CSMD1: variants seen among roughly 807,000 people sequenced by gnomAD.
The protein encoded by CSMD1 is CUB and Sushi multiple domains 1, also known as CUB and sushi domain-containing protein 1.
In CSMD1, 213 loss-of-function variants were observed where a neutral mutation model predicts 417.5. That is an observed-to-expected ratio of 0.51 (90% CI 0.46 to 0.57). The LOEUF (loss-of-function observed/expected upper bound fraction) is 0.57. Ranked by LOEUF, CSMD1 falls within the 20% of genes least tolerant of loss-of-function variation. The probability of loss-of-function intolerance (pLI) is 0.00; values close to 1 mark genes in which losing one functional copy is unlikely to be tolerated. For missense variants in CSMD1, 6,923 were observed against 4,529.7 expected, an observed-to-expected ratio of 1.53 and a Z score of -15.17; for synonymous variants, 2,862 against 1,736.8, an observed-to-expected ratio of 1.65 and a Z score of -16.11.
chr8:3,399,656 A>G (rs1811919751), intron 15 of CSMD1, 127 bp from the exon 16 acceptor site: 1 of 663,064 alleles, frequency 1.5e-6, no homozygotes, highest in African/African-American at 1.9e-5. Flanking sequence ...ATCAAAGCAA[A>G]TCTTATTCCC....
chr8:4,056,009 G>A (rs1293684490), intron 3 of CSMD1, among the ~76,000 whole-genome samples: 1 of 150,826 alleles, frequency 6.6e-6, no homozygotes, highest in Non-Finnish European at 1.5e-5. Context: ...GAAAATTGTA[G>A]TCTACACAGA....
At chr8:3,872,453 C>T (rs73493817) in intron 5 of CSMD1, among the ~76,000 whole-genome samples, 1 of 152,126 alleles carries the variant, frequency 6.6e-6, no homozygotes. Context: ...GCCCACTGTG[C>T]AAATGAAAAA....
At chr8:4,174,712 A>AGAGGAGGAGGGATGT (rs1797943845) in intron 3 of CSMD1, among the ~76,000 whole-genome samples, 1 of 14,960 alleles carries the variant, frequency 6.7e-5, no homozygotes, top group Non-Finnish European at 1.4e-4. Context: ...CACTGAAGAG[A>AGAGGAGGAGGGATGT]GAGGAAGAGG....
chr8:4,517,433 GTC>G (rs1158472405), intron 2 of CSMD1, among the ~76,000 whole-genome samples: 1 of 152,148 alleles, frequency 6.6e-6, no homozygotes, highest in Non-Finnish European at 1.5e-5. Flanking sequence ...ATAAAGAAGA[GTC>G]TGTATTTCAC....
intron 4 of CSMD1, among the ~76,000 whole-genome samples, chr8:4,030,758 C>T (rs112725770): frequency 0.01 from 1,585 of 152,268 alleles, 31 homozygotes; most frequent in African/African-American, 0.036. Flanking sequence ...CATTGTCAGA[C>T]TGCAAAGTTC....
At chr8:3,308,732 G>GTGTTTTTTTTTTTTTTTTTTT (rs1805090018) in intron 23 of CSMD1, among the ~76,000 whole-genome samples, 1 of 108,930 alleles carries the variant, frequency 9.2e-6, no homozygotes, top group African/African-American at 3.6e-5. Flanking sequence ...CTACTTACAA[G>GTGTTTTTTTTTTTTTTTTTTT]TTTTTTTTTT....
At position 3,825,385 on chromosome 8, in the gene CSMD1, C is replaced by T. The variant is rs193186147; in HGVS notation, c.819-71343G>A. ...TCTGTAGTAAAAATACAAAATTAGC[C>T]AGGGGTGGTGGTAGGCACCTGTAAT... On this transcript the variant is annotated intron_variant, in intron 5 of 69. Coordinates refer to ENST00000635120, the MANE Select transcript of CSMD1 (RefSeq NM_033225.6). 4.2e-3 allele frequency among the ~76,000 whole-genome samples: 643 copies of T among 152,164 alleles called. 27 individuals are homozygous for T. The highest frequency in any genetic ancestry group is 0.041 in the Admixed American group (620 of 15,280).
At chr8:3,767,418 T>C (rs148026177) in intron 5 of CSMD1, among the ~76,000 whole-genome samples, 7 of 152,196 alleles carry the variant, frequency 4.6e-5, no homozygotes, top group African/African-American at 1.7e-4. Context: ...TCAGAATTGT[T>C]CATTGTGTGA....
At chr8:4,317,690 GA>G (rs113067778) in intron 3 of CSMD1, among the ~76,000 whole-genome samples, 1 of 152,116 alleles carries the variant, frequency 6.6e-6, no homozygotes, top group Non-Finnish European at 1.5e-5. Flanking sequence ...TATAGACTTA[GA>G]AGTGAGGTAA....
chr8:4,338,248 T>C (rs1800284263), intron 3 of CSMD1, among the ~76,000 whole-genome samples: 1 of 152,180 alleles, frequency 6.6e-6, no homozygotes, highest in Admixed American at 6.5e-5. Context: ...GTTAGAATAG[T>C]TGCAATATTC....
chr8:3,166,520 C>T lies in CSMD1; in HGVS notation c.5726-4243G>A, dbSNP rs143956506. 7.1e-3 allele frequency among the ~76,000 whole-genome samples: 1,075 copies of T among 151,922 alleles called. 11 individuals are homozygous for T. Among genetic ancestry groups the T allele is most frequent in the African/African-American group, 0.024 (998 of 41,408 alleles). On this transcript the variant is annotated intron_variant, in intron 37 of 69. Transcript: ENST00000635120. ...CTGCACTCCAGCCTGGGCAACAGAG[C>T]GAGACTCCATCTCAAAAAAATAAAA... is the stretch of plus-strand genomic sequence containing the variant.
At chr8:3,837,539 G>A (rs1228287558) in intron 5 of CSMD1, among the ~76,000 whole-genome samples, 1 of 152,064 alleles carries the variant, frequency 6.6e-6, no homozygotes, top group East Asian at 1.9e-4. Flanking sequence ...AAACAACACA[G>A]CCCCCAAGAT....
At chr8:4,852,242 G>C (rs1031295501) in intron 1 of CSMD1, among the ~76,000 whole-genome samples, 1 of 152,202 alleles carries the variant, frequency 6.6e-6, no homozygotes, top group South Asian at 2.1e-4. Flanking sequence ...AGGTTGAAAT[G>C]TAATCCCTAG....
intron 3 of CSMD1, among the ~76,000 whole-genome samples, chr8:4,405,612 G>C (rs1263188584): frequency 2.0e-5 from 3 of 151,894 alleles, no homozygotes; most frequent in African/African-American, 7.3e-5. Context: ...AATCAAAAAA[G>C]AAAAAAAGAA....
chr8:4,122,147 A>C (rs573699252), intron 3 of CSMD1, among the ~76,000 whole-genome samples: 1 of 152,274 alleles, frequency 6.6e-6, no homozygotes, highest in African/African-American at 2.4e-5. Context: ...TAATGTCGCT[A>C]AGTTATTTTC....
chr8:3,783,605 G>C (rs1432507833), intron 5 of CSMD1, among the ~76,000 whole-genome samples: 2 of 152,214 alleles, frequency 1.3e-5, no homozygotes, highest in Non-Finnish European at 1.5e-5. Flanking sequence ...GCAAAGGCCT[G>C]AGAGGAAGCC....
At chr8:4,838,880 T>C (rs1393511806) in intron 1 of CSMD1, among the ~76,000 whole-genome samples, 3 of 152,226 alleles carry the variant, frequency 2.0e-5, no homozygotes, top group African/African-American at 7.2e-5. Context: ...CAATCTTTTG[T>C]TCTACTGCCC....
At chr8:3,960,234 C>G (rs879280633) in intron 5 of CSMD1, among the ~76,000 whole-genome samples, 1 of 152,230 alleles carries the variant, frequency 6.6e-6, no homozygotes, top group Non-Finnish European at 1.5e-5. Context: ...AATTTTATTT[C>G]CTCTCCTCAC....
At chr8:4,671,906 C>T (rs1239181837) in intron 1 of CSMD1, among the ~76,000 whole-genome samples, 2 of 152,068 alleles carry the variant, frequency 1.3e-5, no homozygotes, top group Non-Finnish European at 2.9e-5. Flanking sequence ...ACTAAGTTGC[C>T]AAGCATGCCA....
Sources: allele counts gnomAD v4.1 joint callset (sites outside exome capture counted in the v4.1 genomes callset), GRCh38; gene constraint gnomAD v4.1.1; transcripts MANE v1.5; gene names NCBI Gene and HGNC (gene_info 2026-07-23, HGNC 2026-07-21).